MMP26: variants seen among roughly 807,000 people sequenced by gnomAD.
MMP26 encodes the protein matrix metallopeptidase 26, also known as matrix metalloproteinase-26.
A neutral mutation model predicts 31.0 loss-of-function variants in MMP26; 33 were observed. The ratio of observed to expected loss-of-function variants is 1.06; its 90% CI spans 0.81 to 1.42. MMP26 has a LOEUF of 1.42. MMP26 is among the 40% of genes most tolerant of loss of function. The pLI is 0.00. For synonymous variants in MMP26, 122 were observed against 114.9 expected, an observed-to-expected ratio of 1.06 and a Z score of -0.40; for missense variants, 347 against 316.1, an observed-to-expected ratio of 1.10 and a Z score of -0.74.
intron 1 of MMP26, among the ~76,000 whole-genome samples, chr11:4,718,101 G>T (rs1424435239): frequency 1.3e-5 from 2 of 152,060 alleles, no homozygotes; most frequent in Non-Finnish European, 2.9e-5. Flanking sequence ...AGATAGTAGG[G>T]GATCAACAAA....
chr11:4,906,654 A>C (rs1403658523), intron 2 of MMP26, among the ~76,000 whole-genome samples: 4 of 152,228 alleles, frequency 2.6e-5, no homozygotes, highest in African/African-American at 9.6e-5. Flanking sequence ...AACTTTCTAC[A>C]TAAAGCTCAG....
At chr11:4,915,346 G>T in intron 2 of MMP26, 2 of 1,613,934 alleles carry the variant, frequency 1.2e-6, no homozygotes. Flanking sequence ...GAATGAAAAA[G>T]AGCTGAGCAA....
At chr11:4,792,135 T>A (rs1849035807) in intron 2 of MMP26, among the ~76,000 whole-genome samples, 1 of 151,436 alleles carries the variant, frequency 6.6e-6, no homozygotes, top group South Asian at 2.1e-4. Flanking sequence ...TAAGTTAGTA[T>A]ACTGATAACA....
intron 2 of MMP26, chr11:4,849,101 T>G (rs572013948): frequency 1.2e-6 from 2 of 1,614,046 alleles, no homozygotes; most frequent in Non-Finnish European, 1.7e-6. Context: ...TGAGGGGCAA[T>G]GTCCACCAGG....
At chr11:4,861,911 C>T (rs1043104457) in intron 2 of MMP26, among the ~76,000 whole-genome samples, 6 of 152,090 alleles carry the variant, frequency 3.9e-5, no homozygotes, top group African/African-American at 1.4e-4. Context: ...TTATCTTAGC[C>T]TTCAACGTAA....
intron 2 of MMP26, among the ~76,000 whole-genome samples, chr11:4,812,584 C>A (rs998678417): frequency 6.6e-6 from 1 of 152,136 alleles, no homozygotes; most frequent in African/African-American, 2.4e-5. Context: ...ATTAGGCTAC[C>A]GAATCCAGTA....
chr11:4,734,829 G>C (rs1848217831), intron 1 of MMP26, among the ~76,000 whole-genome samples: 1 of 152,170 alleles, frequency 6.6e-6, no homozygotes. Flanking sequence ...AGGCAGAATA[G>C]CATCGCATAG....
intron 2 of MMP26, among the ~76,000 whole-genome samples, chr11:4,820,559 C>T (rs577070872): frequency 2.0e-5 from 3 of 151,854 alleles, no homozygotes; most frequent in African/African-American, 7.2e-5. Flanking sequence ...CCTCCTCCTC[C>T]TCTTGCACTT....
intron 2 of MMP26, among the ~76,000 whole-genome samples, chr11:4,812,545 G>A (rs1849364231): frequency 6.6e-6 from 1 of 152,174 alleles, no homozygotes; most frequent in African/African-American, 2.4e-5. Flanking sequence ...AAAAGAGGTA[G>A]GATATGATCA....
intron 2 of MMP26, chr11:4,908,831 T>G (rs948351598): frequency 1.2e-5 from 2 of 162,838 alleles, no homozygotes; most frequent in Admixed American, 5.8e-5. Context: ...GGTGTTGGAA[T>G]GCCAATTTCT....
chr11:4,800,108 T>C (rs1849161852), intron 2 of MMP26, among the ~76,000 whole-genome samples: 1 of 152,200 alleles, frequency 6.6e-6, no homozygotes, highest in South Asian at 2.1e-4. Flanking sequence ...ACAGGTCCAC[T>C]AGTCAGTGGC....
chr11:4,781,072 G>T (rs986676546), intron 2 of MMP26, among the ~76,000 whole-genome samples: 30 of 152,038 alleles, frequency 2.0e-4, no homozygotes, highest in Non-Finnish European at 4.0e-4. Flanking sequence ...TTCTAGAAAA[G>T]ATTAAAGTAT....
intron 2 of MMP26, among the ~76,000 whole-genome samples, chr11:4,900,315 A>C (rs540570564): frequency 6.6e-6 from 1 of 152,314 alleles, no homozygotes; most frequent in East Asian, 1.9e-4. Context: ...ACCTACACCC[A>C]TCATATGTGT....
At chr11:4,729,998 T>TTTTTTTTTTTTTTTTTGAGAC (rs1372068573) in intron 1 of MMP26, among the ~76,000 whole-genome samples, 1 of 151,800 alleles carries the variant, frequency 6.6e-6, no homozygotes, top group Non-Finnish European at 1.5e-5. Context: ...CCCTCATTTT[T>TTTTTTTTTTTTTTTTTGAGAC]GTAGCTGGTC....
chr11:4,987,777 C>T (rs1239204842), intron 2 of MMP26, among the ~76,000 whole-genome samples: 1 of 152,112 alleles, frequency 6.6e-6, no homozygotes, highest in Non-Finnish European at 1.5e-5. Context: ...TTATTTATTT[C>T]CCTTGATTTT....
intron 2 of MMP26, among the ~76,000 whole-genome samples, chr11:4,824,532 T>G (rs1849555895): frequency 6.6e-6 from 1 of 152,134 alleles, no homozygotes; most frequent in South Asian, 2.1e-4. Flanking sequence ...ACTGCTGACC[T>G]TTGAAATGAA....
At chr11:4,768,270 C>A (rs950592326) in intron 2 of MMP26, among the ~76,000 whole-genome samples, 6 of 152,144 alleles carry the variant, frequency 3.9e-5, no homozygotes, top group Non-Finnish European at 7.3e-5. Flanking sequence ...AGCAAGTGTG[C>A]CTCACCCCTA....
rs143598977 is a variant in MMP26 at position 4,881,994 on chromosome 11, C to T, written c.-144-106074C>T. On this transcript the variant is annotated intron_variant, in intron 2 of 7. Transcript: ENST00000380390. ...TGTGCTCATGTCTGGATCTCCATTC[C>T]AGTCTGCTGTCTCTACACCATTGCC... 2.3e-5 allele frequency: 37 copies of T among 1,613,778 alleles called. No individual in the cohort carries two copies. In the African/African-American group the frequency reaches 4.9e-4, roughly 22 times the overall value.
In MMP26 at chr11:4,988,082, G is replaced by T. The variant is rs1284682665; in HGVS notation, c.-130G>T. The T allele has an allele frequency of 1.3e-6, 1 of 782,442 alleles. No individual in the cohort carries two copies. The highest frequency in any genetic ancestry group is 2.3e-6 in the Non-Finnish European group (1 of 440,118). 48.5% of individuals were successfully genotyped at this position (782,442 alleles called of 1,614,324 possible). A position where few individuals can be genotyped will look rare whatever the true frequency, so the allele number is the denominator to read the frequency against. ...GCCCTCAGCAGGTATGGATGATGAC[G>T]CCACTCACAGATTCAAAGAAAGGGC... On this transcript the variant is annotated 5_prime_UTR_variant, in exon 3 of 8. Transcript: ENST00000380390.
Sources: allele counts gnomAD v4.1 joint callset (sites outside exome capture counted in the v4.1 genomes callset), GRCh38; gene constraint gnomAD v4.1.1; transcripts MANE v1.5; gene names NCBI Gene and HGNC (gene_info 2026-07-23, HGNC 2026-07-21).